GDAP1: variants seen among roughly 807,000 people sequenced by gnomAD.
GDAP1 encodes the protein ganglioside-induced differentiation-associated protein 1.
Under a neutral mutation model 40.1 loss-of-function variants are expected in GDAP1, and 34 were observed. The ratio of observed to expected loss-of-function variants is 0.85; its 90% CI spans 0.64 to 1.13. The LOEUF is 1.13. Among genes scored for constraint, GDAP1 ranks in the 50% most tolerant of loss-of-function variants. The pLI is 0.00. For synonymous variants in GDAP1, 170 were observed against 157.4 expected (o/e 1.08, Z -0.60); for missense variants, 374 against 433.7 (o/e 0.86, Z 1.22).
chr8:74,357,602 A>G (rs537316053), intron 2 of GDAP1, among the ~76,000 whole-genome samples: 4 of 152,292 alleles, frequency 2.6e-5, no homozygotes, highest in African/African-American at 9.6e-5. Context: ...ATTTATGTGT[A>G]ATATAAAACT....
intron 2 of GDAP1, among the ~76,000 whole-genome samples, chr8:74,420,819 T>G (rs1805847556): frequency 6.6e-6 from 1 of 152,150 alleles, no homozygotes; most frequent in South Asian, 2.1e-4. Context: ...TATTTTTTTT[T>G]TAATGTTTCA....
intron 2 of GDAP1, among the ~76,000 whole-genome samples, chr8:74,380,257 C>T (rs6996971): frequency 0.51 from 77,329 of 151,916 alleles, 19,829 homozygotes; most frequent in African/African-American, 0.59. Context: ...GTGAGATTCA[C>T]GGTATAAAAA....
intron 2 of GDAP1, chr8:74,376,724 A>G (rs905862774): frequency 1.3e-5 from 2 of 152,312 alleles, no homozygotes; most frequent in Non-Finnish European, 2.9e-5. Flanking sequence ...CAACTAATTG[A>G]TCACAACCAG....
At chr8:74,400,711 T>C (rs1810313708) in intron 2 of GDAP1, among the ~76,000 whole-genome samples, 1 of 149,762 alleles carries the variant, frequency 6.7e-6, no homozygotes. Flanking sequence ...TTTCCATGTT[T>C]AGTGCTTCCT....
intron 2 of GDAP1, among the ~76,000 whole-genome samples, chr8:74,381,306 G>A (rs1385425018): frequency 6.6e-6 from 1 of 151,938 alleles, no homozygotes; most frequent in Non-Finnish European, 1.5e-5. Context: ...CAAAAAAACT[G>A]GAAACAATCT....
chr8:74,487,365 T>A (rs1806789225), intron 2 of GDAP1, among the ~76,000 whole-genome samples: 2 of 152,192 alleles, frequency 1.3e-5, no homozygotes, highest in South Asian at 4.1e-4. Flanking sequence ...ATAGCCATTC[T>A]TCTTTCCATC....
At chr8:74,449,945 T>C (rs142549901) in intron 2 of GDAP1, among the ~76,000 whole-genome samples, 11 of 151,900 alleles carry the variant, frequency 7.2e-5, no homozygotes, top group Non-Finnish European at 1.3e-4. Context: ...TGTGAGTAAA[T>C]GAATGAAAAC....
intron 2 of GDAP1, among the ~76,000 whole-genome samples, chr8:74,400,480 C>A (rs1369803151): frequency 6.7e-6 from 1 of 149,708 alleles, no homozygotes; most frequent in Non-Finnish European, 1.5e-5. Context: ...GAATACAGCA[C>A]ACTGATGGGT....
chr8:74,372,010 CAT>C (rs1305130024), intron 2 of GDAP1, among the ~76,000 whole-genome samples: 1 of 143,232 alleles, frequency 7.0e-6, no homozygotes, highest in Non-Finnish European at 1.5e-5. Context: ...TGAGTGAGAA[CAT>C]GTGGTGTTTG....
chr8:74,452,004 C>A (rs1334704122), intron 2 of GDAP1, among the ~76,000 whole-genome samples: 2 of 80,520 alleles, frequency 2.5e-5, no homozygotes, highest in Admixed American at 2.6e-4. Context: ...GGCTGGAGTG[C>A]AGTGGCGCGA....
At chr8:74,448,160 A>G (rs1806255865) in intron 2 of GDAP1, among the ~76,000 whole-genome samples, 4 of 152,190 alleles carry the variant, frequency 2.6e-5, no homozygotes, top group African/African-American at 7.2e-5. Flanking sequence ...AAATTTCTCA[A>G]TCATTACCTT....
intron 2 of GDAP1, among the ~76,000 whole-genome samples, chr8:74,439,624 T>G (rs1468374726): frequency 6.6e-6 from 1 of 152,010 alleles, no homozygotes; most frequent in Non-Finnish European, 1.5e-5. Flanking sequence ...TTTTTTTTAA[T>G]TTCTAATATT....
Position 74,366,590 on chromosome 8 carries a change from A to G in GDAP1, c.*2223A>G, listed in dbSNP as rs1256256214. On this transcript the variant is annotated 3_prime_UTR_variant, in exon 6 of 6. Transcript: ENST00000220822. ...GGTCAGTGTACTCATCAATTTCCAA[A>G]ATTTGTATAAATATCACAATTAGAA... The G allele has an allele frequency of 2.2e-6, 1 of 453,482 alleles. No individual in the cohort carries two copies. The highest frequency in any genetic ancestry group is 4.4e-6 in the Non-Finnish European group (1 of 226,554). The allele number at this position is 453,482 out of a possible 1,614,324, so 28.1% of individuals were successfully genotyped here. A position where few individuals can be genotyped will look rare whatever the true frequency, so the allele number is the denominator to read the frequency against.
intron 2 of GDAP1, among the ~76,000 whole-genome samples, chr8:74,381,018 G>A (rs1198277775): frequency 4.6e-5 from 7 of 152,030 alleles, no homozygotes; most frequent in Admixed American, 4.6e-4. Flanking sequence ...GGGGATTGGA[G>A]TAGGTGAGGG....
At chr8:74,441,188 C>T (rs1806158083) in intron 2 of GDAP1, among the ~76,000 whole-genome samples, 1 of 152,048 alleles carries the variant, frequency 6.6e-6, no homozygotes, top group Admixed American at 6.6e-5. Flanking sequence ...ATTTAAGGAG[C>T]CCTTAGATTT....
Position 74,365,637 on chromosome 8 carries a change from G to A in GDAP1, c.*1270G>A, listed in dbSNP as rs536597790. ...CAGTGAACAACAGTAGCCAAAGAATGTACTAACTTTATCATTAATAGGAAA... is the reference window on the plus strand; with the variant it reads ...CAGTGAACAACAGTAGCCAAAGAATATACTAACTTTATCATTAATAGGAAA... On this transcript the variant is annotated 3_prime_UTR_variant, in exon 6 of 6. Coordinates refer to ENST00000220822, the MANE Select transcript of GDAP1 (RefSeq NM_018972.4). 4.4e-6 allele frequency: 2 copies of A among 454,398 alleles called. No homozygotes were observed. Among genetic ancestry groups the A allele is most frequent in the South Asian group, 1.6e-5 (1 of 64,474 alleles). 28.1% of individuals were successfully genotyped at this position (454,398 alleles called of 1,614,324 possible). A position where few individuals can be genotyped will look rare whatever the true frequency, so the allele number is the denominator to read the frequency against.
intron 2 of GDAP1, among the ~76,000 whole-genome samples, chr8:74,376,095 G>C (rs1809847085): frequency 6.6e-6 from 1 of 152,120 alleles, no homozygotes; most frequent in Non-Finnish European, 1.5e-5. Flanking sequence ...TCAAATAATT[G>C]ATAAAAGAAA....
At chr8:74,428,458 T>G (rs1002685781) in intron 2 of GDAP1, among the ~76,000 whole-genome samples, 2 of 151,392 alleles carry the variant, frequency 1.3e-5, no homozygotes, top group Admixed American at 6.6e-5. Flanking sequence ...GAAGTTTTTC[T>G]TGATTGTTTT....
intron 2 of GDAP1, among the ~76,000 whole-genome samples, chr8:74,472,319 T>G (rs1177165817): frequency 6.6e-6 from 1 of 152,258 alleles, no homozygotes; most frequent in East Asian, 1.9e-4. Context: ...TACCACATTT[T>G]CTTTATCCAA....
Sources: gnomAD v4.1 joint callset for allele counts (sites outside exome capture counted in the v4.1 genomes callset) on GRCh38, gnomAD v4.1.1 for gene constraint, MANE v1.5 for transcripts, NCBI Gene and HGNC (gene_info 2026-07-23, HGNC 2026-07-21) for gene names.